Variants in TNKS2 observed in about 807,000 individuals in gnomAD.
The protein encoded by TNKS2 is poly [ADP-ribose] polymerase tankyrase-2.
TNKS2 carries 72 observed loss-of-function variants against 137.6 expected under a neutral mutation model. That is an observed-to-expected ratio of 0.52 (90% CI 0.43 to 0.64). The LOEUF is 0.64. TNKS2 is among the 30% of genes least tolerant of loss of function. The pLI is 0.00. For synonymous variants in TNKS2, 516 were observed against 512.1 expected (o/e 1.01, Z -0.10); for missense variants, 1,049 against 1,410.2 (o/e 0.74, Z 4.10).
chr10:91,845,057 T>C, intron 17 of TNKS2, 29 bp downstream of exon 17: 1 of 1,475,842 alleles, frequency 6.8e-7, no homozygotes, highest in African/African-American at 1.4e-5. Context: ...CCTTTAAAAA[T>C]TTGTGGAATT....
chr10:91,815,590 CA>C (rs559927593), intron 2 of TNKS2, among the ~76,000 whole-genome samples: 237 of 148,220 alleles, frequency 1.6e-3, no homozygotes, highest in Non-Finnish European at 2.7e-3. Context: ...AGACTTAGTA[CA>C]AAAAAAAATG....
At chr10:91,841,527 A>G (rs1842210980) in intron 15 of TNKS2, 79 bp downstream of exon 15, 2 of 1,177,878 alleles carry the variant, frequency 1.7e-6, no homozygotes, top group Admixed American at 2.8e-5. Context: ...TCTAGTATAA[A>G]GTTAAACTAG....
rs1214951897 is a variant in TNKS2 at position 91,820,123 on chromosome 10, T to A, written c.728+90T>A. ...ACCTTAGAAAAATAATATTTTTTAC[T>A]AAATAACATTAATATATATTGAGCT... On this transcript the variant is annotated intron_variant, in intron 6 of 26. Coordinates refer to ENST00000371627, the MANE Select transcript of TNKS2 (RefSeq NM_025235.4). 5 of 813,762 alleles carry A rather than the reference T, an allele frequency of 6.1e-6. No individual in the cohort carries two copies. In the East Asian group the frequency reaches 1.5e-4, roughly 25 times the overall value. The allele number at this position is 813,762 out of a possible 1,614,324, so 50.4% of individuals were successfully genotyped here.
intron 1 of TNKS2, chr10:91,807,381 G>A: frequency 6.2e-7 from 1 of 1,614,138 alleles, no homozygotes; most frequent in Non-Finnish European, 8.5e-7. Context: ...CATAGGGTCA[G>A]CGAGGTAAAG....
In TNKS2 at chr10:91,855,554, C is replaced by G. The variant is rs11186714; in HGVS notation, c.2914-60C>G. ...TCAGACGAGTCAAGAACCATGTTCC[C>G]CAAATCAGAAAATAACACAAATGCT... On this transcript the variant is annotated intron_variant, in intron 22 of 26. Transcript: ENST00000371627. 5,224 of 1,333,804 alleles carry G rather than the reference C, an allele frequency of 3.9e-3. 161 individuals are homozygous for G. In the African/African-American group the frequency reaches 0.068, roughly 17 times the overall value. 82.6% of individuals were successfully genotyped at this position (1,333,804 alleles called of 1,614,324 possible).
chr10:91,827,610 A>C (rs900567589), intron 8 of TNKS2, among the ~76,000 whole-genome samples: 2 of 152,206 alleles, frequency 1.3e-5, no homozygotes, highest in Non-Finnish European at 2.9e-5. Context: ...TATTGTTGGC[A>C]CCTGGGCCAA....
intron 16 of TNKS2, among the ~76,000 whole-genome samples, chr10:91,844,666 A>AAC (rs1842311425): frequency 6.6e-6 from 1 of 152,224 alleles, no homozygotes. Context: ...GCTAATTGAT[A>AAC]ACACAAAAAG....
In TNKS2 at chr10:91,813,117, C is replaced by T. The variant is rs372595864; in HGVS notation, c.334C>T (p.Arg112Ter). Residue 112 changes from arginine (R) to a stop codon, truncating the protein, a stop_gained, in exon 2 of 27, where the codon CGA (arginine) becomes TGA (stop). Coordinates refer to ENST00000371627, the MANE Select transcript of TNKS2 (RefSeq NM_025235.4). LOFTEE classifies it high-confidence loss of function. ...TGCTGAAGTAGTCAATCTCCTTTTG[C>T]GACATGGTGCAGACCCCAATGCTCG... is the stretch of plus-strand genomic sequence containing the variant. ...GHAEVVNLLLRHGADPNARDN... is the reference protein window; with the variant it reads ...GHAEVVNLLL 1.9e-6 allele frequency: 3 copies of T among 1,614,056 alleles called. No individual in the cohort carries two copies. Among genetic ancestry groups the T allele is most frequent in the Non-Finnish European group, 2.5e-6 (3 of 1,180,008 alleles).
At chr10:91,835,592 C>CTTTTTTTTTT (rs35247985) in intron 12 of TNKS2, among the ~76,000 whole-genome samples, 10 of 109,414 alleles carry the variant, frequency 9.1e-5, no homozygotes, top group South Asian at 6.2e-4. Flanking sequence ...CCCGGCCTTT[C>CTTTTTTTTTT]TTTTTTTTTT....
intron 19 of TNKS2, 45 bp from the exon 20 acceptor site, chr10:91,849,467 T>C: frequency 6.9e-7 from 1 of 1,455,106 alleles, no homozygotes; most frequent in South Asian, 1.2e-5. Context: ...AAATACATTA[T>C]TCTGATGTGA....
Position 91,863,167 on chromosome 10 carries a change from A to C in TNKS2, c.*168A>C, listed in dbSNP as rs952178472. On this transcript the variant is annotated 3_prime_UTR_variant, in exon 27 of 27. Transcript: ENST00000371627. ...ATTCTGACTTGATAAAGCTTTAATAATGTACAGTGTTTTCTAAATATTTCC... is the reference window on the plus strand; with the variant it reads ...ATTCTGACTTGATAAAGCTTTAATACTGTACAGTGTTTTCTAAATATTTCC... The C allele has an allele frequency of 1.5e-5, 8 of 528,188 alleles. No homozygotes were observed. The highest frequency in any genetic ancestry group is 1.4e-4 in the African/African-American group (7 of 51,750). 32.7% of individuals were successfully genotyped at this position (528,188 alleles called of 1,614,324 possible).
chr10:91,834,475 T>G (rs983377170), intron 12 of TNKS2, among the ~76,000 whole-genome samples: 5 of 152,242 alleles, frequency 3.3e-5, no homozygotes, highest in African/African-American at 1.2e-4. Flanking sequence ...ACACTTGGCA[T>G]AGATGAAACA....
rs1052250912 is a variant in TNKS2 at position 91,828,140 on chromosome 10, A to C, written c.983-145A>C. ...TACCACTGTCTGTTTTCAGGGGTTAAATTTGGAGAATATCTTTAGAGCCTC... is the reference window on the plus strand; with the variant it reads ...TACCACTGTCTGTTTTCAGGGGTTACATTTGGAGAATATCTTTAGAGCCTC... On this transcript the variant is annotated intron_variant, in intron 8 of 26. Transcript: ENST00000371627. The C allele has an allele frequency of 2.5e-5, 23 of 902,786 alleles. No individual in the cohort carries two copies. The African/African-American group carries it at 3.8e-4, about 15-fold the overall frequency. The allele number at this position is 902,786 out of a possible 1,614,324, so 55.9% of individuals were successfully genotyped here.
intron 14 of TNKS2, among the ~76,000 whole-genome samples, chr10:91,841,081 C>G (rs891989664): frequency 6.6e-5 from 10 of 152,050 alleles, no homozygotes; most frequent in African/African-American, 2.4e-4. Flanking sequence ...GTTATAGTCT[C>G]TGCATTTAAA....
At chr10:91,819,594 T>C in intron 5 of TNKS2, 37 bp downstream of exon 5, 1 of 1,435,690 alleles carries the variant, frequency 7.0e-7, no homozygotes, top group South Asian at 1.3e-5. Context: ...GCTTATCTCC[T>C]GGTAACATGA....
intron 1 of TNKS2, among the ~76,000 whole-genome samples, chr10:91,808,385 T>G (rs924200807): frequency 6.6e-6 from 1 of 152,018 alleles, no homozygotes; most frequent in Non-Finnish European, 1.5e-5. Context: ...GAAATGAAAT[T>G]AGAGAAGAAG....
At chr10:91,820,436 C>G (rs951575322) in intron 6 of TNKS2, among the ~76,000 whole-genome samples, 2 of 152,186 alleles carry the variant, frequency 1.3e-5, no homozygotes, top group Admixed American at 6.5e-5. Flanking sequence ...GTTTGCGGGA[C>G]ATTAGTCTGT....
chr10:91,852,092 G>A (rs1842554477), intron 21 of TNKS2, among the ~76,000 whole-genome samples: 1 of 151,424 alleles, frequency 6.6e-6, no homozygotes, highest in Non-Finnish European at 1.5e-5. Flanking sequence ...GCCGGGCGTG[G>A]TGGTGGGCAC....
chr10:91,833,071 C>T (rs1841871338), intron 11 of TNKS2, among the ~76,000 whole-genome samples: 1 of 152,102 alleles, frequency 6.6e-6, no homozygotes, highest in Admixed American at 6.5e-5. Flanking sequence ...GTAAAATGTG[C>T]AGTGAAATGC....
Sources: gnomAD v4.1 joint callset for allele counts (sites outside exome capture counted in the v4.1 genomes callset) on GRCh38, gnomAD v4.1.1 for gene constraint, MANE v1.5 for transcripts, NCBI Gene and HGNC (gene_info 2026-07-23, HGNC 2026-07-21) for gene names.